The following KLRG1 variants were observed in gnomAD, a reference collection of about 807,000 sequenced individuals.
KLRG1 encodes the protein killer cell lectin like receptor G1.
In KLRG1, 16 loss-of-function variants were observed where a neutral mutation model predicts 21.8. The ratio of observed to expected loss-of-function variants is 0.73; its 90% confidence interval spans 0.50 to 1.11. The LOEUF is 1.11. KLRG1 is among the 50% of genes most tolerant of loss of function. The pLI, the probability that KLRG1 is intolerant of heterozygous loss-of-function variation, is 0.00. For synonymous variants in KLRG1, 69 were observed against 75.9 expected, an observed-to-expected ratio of 0.91 and a Z score of 0.47; for missense variants, 173 against 218.3, an observed-to-expected ratio of 0.79 and a Z score of 1.31.
chr12:9,068,611 A>G, the KLRG1 span: 1 of 779,402 alleles, frequency 1.3e-6, no homozygotes, highest in Non-Finnish European at 2.1e-6. Context: ...GGGGCATCAG[A>G]CTTGATGGAG....
chr12:9,196,916 G>A, the KLRG1 span: 19 of 1,030,832 alleles, frequency 1.8e-5, no homozygotes, highest in East Asian at 7.2e-5. Flanking sequence ...GATATTTTGC[G>A]ACAAGCTTGT....
the KLRG1 span, among the ~76,000 whole-genome samples, chr12:9,035,592 T>TAA: frequency 1.2e-3 from 127 of 107,942 alleles, no homozygotes; most frequent in African/African-American, 4.1e-3. Context: ...GAACTTAAAG[T>TAA]AAAAAAAAAA....
chr12:9,106,165 C>A, the KLRG1 span: 1 of 904,624 alleles, frequency 1.1e-6, no homozygotes, highest in Non-Finnish European at 1.8e-6. Flanking sequence ...ATGGTTTTAG[C>A]ACAAACCATA....
the KLRG1 span, among the ~76,000 whole-genome samples, chr12:9,207,290 G>A: frequency 6.6e-6 from 1 of 152,182 alleles, no homozygotes; most frequent in East Asian, 1.9e-4. Context: ...ATGCAAGAGA[G>A]AGGTAGAAGT....
the KLRG1 span, chr12:9,027,771 A>T: frequency 4.4e-6 from 6 of 1,375,354 alleles, no homozygotes; most frequent in Non-Finnish European, 5.1e-6. Context: ...AGCCATCCCC[A>T]TTGCCACCAT....
chr12:9,121,464 C>T, the KLRG1 span, among the ~76,000 whole-genome samples: 1 of 152,068 alleles, frequency 6.6e-6, no homozygotes, highest in Admixed American at 6.5e-5. The surrounding 1 kb of genome is among the most constrained non-coding windows in gnomAD (Gnocchi z 4.4). Context: ...TCGCTTAAAC[C>T]CGGGAGGCAG....
At chr12:9,114,183 C>T in the KLRG1 span, among the ~76,000 whole-genome samples, 1 of 152,150 alleles carries the variant, frequency 6.6e-6, no homozygotes, top group Admixed American at 6.5e-5. Context: ...TAGACAATGG[C>T]TCCATCCAAA....
chr12:9,181,177 T>C, the KLRG1 span: 2 of 1,612,884 alleles, frequency 1.2e-6, no homozygotes, highest in Non-Finnish European at 1.7e-6. Context: ...TCCCTACTTC[T>C]GTGATCTTGC....
intron 1 of KLRG1, among the ~76,000 whole-genome samples, chr12:8,956,480 T>C (rs1367975503): frequency 1.3e-5 from 2 of 152,168 alleles, no homozygotes; most frequent in East Asian, 3.8e-4. Context: ...AGTCTCACTC[T>C]ATCACCCAGA....
chr12:9,102,235 A>T, the KLRG1 span, among the ~76,000 whole-genome samples: 988 of 152,098 alleles, frequency 6.5e-3, 8 homozygotes, highest in Non-Finnish European at 9.8e-3. Context: ...TATTTTTTTG[A>T]GACAGGGTTT....
At chr12:9,101,119 A>G in the KLRG1 span, 1 of 1,553,254 alleles carries the variant, frequency 6.4e-7, no homozygotes. Flanking sequence ...TGGGGCAGCA[A>G]TGCAGAGATG....
At chr12:9,013,608 A>T (rs1787793355), downstream of KLRG1, among the ~76,000 whole-genome samples, 1 of 152,182 alleles carries the variant, frequency 6.6e-6, no homozygotes, top group African/African-American at 2.4e-5. Context: ...AGAAGGTGAA[A>T]GGCACATCTC....
the KLRG1 span, chr12:9,098,885 T>A: frequency 1.0e-6 from 1 of 990,848 alleles, no homozygotes; most frequent in Non-Finnish European, 1.5e-6. Flanking sequence ...GGGTTGGCAT[T>A]GTGTCAATCC....
the KLRG1 span, among the ~76,000 whole-genome samples, chr12:9,096,286 C>G: frequency 6.6e-6 from 1 of 152,288 alleles, no homozygotes; most frequent in African/African-American, 2.4e-5. Context: ...GAGGCCACCA[C>G]TAGACTCAAC....
At chr12:9,045,993 G>A in the KLRG1 span, among the ~76,000 whole-genome samples, 1 of 152,144 alleles carries the variant, frequency 6.6e-6, no homozygotes, top group Non-Finnish European at 1.5e-5. Flanking sequence ...ATGAGAACAC[G>A]TGGACACGGA....
the KLRG1 span, among the ~76,000 whole-genome samples, chr12:9,082,740 T>G: frequency 6.6e-6 from 1 of 152,174 alleles, no homozygotes; most frequent in South Asian, 2.1e-4. Flanking sequence ...TGACAAAGAA[T>G]TCAGAATAAT....
intron 1 of KLRG1, among the ~76,000 whole-genome samples, chr12:8,962,066 A>G (rs757801557): frequency 2.0e-5 from 3 of 152,120 alleles, no homozygotes; most frequent in African/African-American, 4.8e-5. Context: ...AGCCTATGCA[A>G]CAGAGTGAGA....
chr12:8,993,323 A>G (rs1209937834), intron 2 of KLRG1, among the ~76,000 whole-genome samples: 1 of 151,896 alleles, frequency 6.6e-6, no homozygotes, highest in African/African-American at 2.4e-5. Flanking sequence ...GAATCTCGCA[A>G]TGTTGTTTGG....
intron 1 of KLRG1, among the ~76,000 whole-genome samples, chr12:8,974,630 A>G (rs1390038750): frequency 6.6e-6 from 1 of 152,196 alleles, no homozygotes; most frequent in Non-Finnish European, 1.5e-5. Flanking sequence ...TGAGATAATC[A>G]AAAGAGTTTT....
Sources: allele counts gnomAD v4.1 joint callset (sites outside exome capture counted in the v4.1 genomes callset), GRCh38; gene constraint gnomAD v4.1.1; non-coding constraint Gnocchi (gnomAD v3.1); transcripts MANE v1.5; gene names NCBI Gene and HGNC (gene_info 2026-07-23, HGNC 2026-07-21).